Variants in MRPL1 observed in about 807,000 individuals in gnomAD.
The protein encoded by MRPL1 is large ribosomal subunit protein uL1m.
MRPL1 carries 28 observed loss-of-function variants against 38.0 expected under a neutral mutation model. The ratio of observed to expected loss-of-function variants is 0.74; its 90% CI spans 0.55 to 1.01. The LOEUF (loss-of-function observed/expected upper bound fraction) is 1.01, where lower values mean the gene tolerates loss of function less well. MRPL1 is among the 50% of genes least tolerant of loss of function. The pLI, the probability that MRPL1 is intolerant of heterozygous loss-of-function variation, is 0.00. For synonymous variants in MRPL1, 123 were observed against 126.7 expected, an observed-to-expected ratio of 0.97 and a Z score of 0.20; for missense variants, 358 against 389.8, an observed-to-expected ratio of 0.92 and a Z score of 0.69.
At chr4:77,889,593 A>C (rs1020442187) in intron 5 of MRPL1, among the ~76,000 whole-genome samples, 1 of 152,168 alleles carries the variant, frequency 6.6e-6, no homozygotes, top group Non-Finnish European at 1.5e-5. Flanking sequence ...AGAGCAAACT[A>C]ATTCAAAAGC....
In MRPL1 at chr4:77,871,849, C is replaced by A. The variant is rs370109303; in HGVS notation, c.137C>A (p.Ala46Asp). 2 of 1,578,280 alleles carry A rather than the reference C, an allele frequency of 1.3e-6. No homozygotes were observed. Among genetic ancestry groups the A allele is most frequent in the African/African-American group, 2.7e-5 (2 of 72,928 alleles). ...GTGCCCAACAGACATTTTGCTGCTGCTACAAAGTAAGTATTTTTTTTTAGT... is the reference window on the plus strand; with the variant it reads ...GTGCCCAACAGACATTTTGCTGCTGATACAAAGTAAGTATTTTTTTTTAGT... ...IRVPNRHFAA[A>D]TKSAKKTKKG... is the part of the protein sequence containing the mutation. Residue 46 changes from alanine (A) to aspartate (D), a missense_variant, in exon 2 of 9, where the codon GCT (alanine) becomes GAT (aspartate). Coordinates refer to ENST00000315567, the MANE Select transcript of MRPL1 (RefSeq NM_020236.4).
At chr4:77,923,031 A>G (rs374682994) in intron 7 of MRPL1, among the ~76,000 whole-genome samples, 3 of 152,182 alleles carry the variant, frequency 2.0e-5, no homozygotes, top group African/African-American at 7.2e-5. Flanking sequence ...ATTCTTTATT[A>G]TGTAAATGAA....
chr4:77,948,648 C>T (rs1391405281), intron 7 of MRPL1, among the ~76,000 whole-genome samples: 1 of 152,138 alleles, frequency 6.6e-6, no homozygotes, highest in Non-Finnish European at 1.5e-5. Context: ...TTATGCGGGG[C>T]ACATTTCTCA....
intron 7 of MRPL1, among the ~76,000 whole-genome samples, chr4:77,946,375 C>T (rs186970555): frequency 1.3e-5 from 2 of 151,402 alleles, no homozygotes; most frequent in Non-Finnish European, 2.9e-5. Context: ...TTTAAGCACA[C>T]GTTTTACAAT....
In MRPL1 at chr4:77,898,239, A is replaced by T. The variant is rs189460550; in HGVS notation, c.670+3989A>T. Among the ~76,000 whole-genome samples, 3 of 152,198 alleles carry T rather than the reference A, an allele frequency of 2.0e-5. No individual in the cohort carries two copies. The East Asian group carries it at 5.8e-4, about 29-fold the overall frequency. On this transcript the variant is annotated intron_variant, in intron 6 of 8. Coordinates refer to ENST00000315567, the MANE Select transcript of MRPL1 (RefSeq NM_020236.4). ...ATTATGCTTTTGTATTCATTTTAGGACATATCACTCTTAGCATCTTTTTTT... is the reference window on the plus strand; with the variant it reads ...ATTATGCTTTTGTATTCATTTTAGGTCATATCACTCTTAGCATCTTTTTTT...
At chr4:77,924,406 C>T (rs1736661611) in intron 7 of MRPL1, among the ~76,000 whole-genome samples, 1 of 152,100 alleles carries the variant, frequency 6.6e-6, no homozygotes, top group Non-Finnish European at 1.5e-5. Context: ...GGAGGAGGGT[C>T]ATAATTCTTT....
intron 7 of MRPL1, among the ~76,000 whole-genome samples, chr4:77,937,153 G>C (rs1737004747): frequency 6.6e-6 from 1 of 151,886 alleles, no homozygotes; most frequent in Non-Finnish European, 1.5e-5. Context: ...GGTGAATTTA[G>C]TGGGTATAAA....
Position 77,952,731 on chromosome 4 carries a change from A to G in MRPL1, c.*124A>G, listed in dbSNP as rs1365767444. The G allele has an allele frequency of 2.0e-5, 13 of 642,532 alleles. No individual in the cohort carries two copies. The highest frequency in any genetic ancestry group is 1.0e-5 in the Non-Finnish European group (4 of 381,900). 39.8% of individuals were successfully genotyped at this position (642,532 alleles called of 1,614,324 possible). ...TACTTGAAAGTGAACTTTAACATTG[A>G]AAAATCGTACAGTCATTTCAAGAAT... On this transcript the variant is annotated 3_prime_UTR_variant, in exon 9 of 9. Coordinates refer to ENST00000315567, the MANE Select transcript of MRPL1 (RefSeq NM_020236.4).
intron 5 of MRPL1, among the ~76,000 whole-genome samples, chr4:77,888,373 C>G (rs1735730013): frequency 6.6e-6 from 1 of 152,082 alleles, no homozygotes; most frequent in African/African-American, 2.4e-5. Context: ...GGCGTGGTGG[C>G]ACATGCCTGT....
intron 7 of MRPL1, among the ~76,000 whole-genome samples, chr4:77,915,347 T>G (rs1736398368): frequency 1.3e-5 from 2 of 152,228 alleles, no homozygotes; most frequent in African/African-American, 4.8e-5. Flanking sequence ...ATCCAAACTG[T>G]GTATACTAAT....
chr4:77,890,372 C>A (rs1427273517), intron 5 of MRPL1, among the ~76,000 whole-genome samples: 1 of 152,086 alleles, frequency 6.6e-6, no homozygotes, highest in Non-Finnish European at 1.5e-5. Flanking sequence ...ATAAACAGAA[C>A]CAAAGACAAA....
chr4:77,891,374 G>A (rs1362670557), intron 5 of MRPL1, among the ~76,000 whole-genome samples: 4 of 87,714 alleles, frequency 4.6e-5, no homozygotes, highest in African/African-American at 1.8e-4. Context: ...CATTTTTTTT[G>A]AGACAGTGTG....
At chr4:77,872,086 C>T (rs1042616285) in intron 2 of MRPL1, among the ~76,000 whole-genome samples, 3 of 152,094 alleles carry the variant, frequency 2.0e-5, no homozygotes, top group Non-Finnish European at 4.4e-5. Context: ...TATGAGGAAG[C>T]TATTGTTATT....
intron 2 of MRPL1, among the ~76,000 whole-genome samples, chr4:77,880,868 C>A (rs932420851): frequency 2.0e-5 from 3 of 152,154 alleles, no homozygotes; most frequent in African/African-American, 7.2e-5. Flanking sequence ...TGATGGATAT[C>A]TCTGATGACC....
intron 7 of MRPL1, among the ~76,000 whole-genome samples, chr4:77,928,181 G>C (rs899147463): frequency 1.3e-5 from 2 of 152,192 alleles, no homozygotes; most frequent in African/African-American, 4.8e-5. Context: ...AACAAGTTCA[G>C]GACAAGGGAC....
At chr4:77,878,952 C>A (rs1485385255) in intron 2 of MRPL1, among the ~76,000 whole-genome samples, 1 of 152,100 alleles carries the variant, frequency 6.6e-6, no homozygotes, top group South Asian at 2.1e-4. Context: ...ACAGATGAGA[C>A]AGGGGAAAAG....
chr4:77,936,266 C>G (rs1432534066), intron 7 of MRPL1, among the ~76,000 whole-genome samples: 11 of 151,874 alleles, frequency 7.2e-5, no homozygotes, highest in African/African-American at 2.4e-4. Flanking sequence ...AAAATCCTTG[C>G]AAAGTATTTT....
intron 6 of MRPL1, among the ~76,000 whole-genome samples, chr4:77,903,080 A>G (rs536232745): frequency 1.3e-5 from 2 of 152,330 alleles, no homozygotes; most frequent in South Asian, 4.1e-4. Context: ...CTTCATGAGA[A>G]TAGACGCAAA....
At chr4:77,867,216 T>C (rs559248725) in intron 1 of MRPL1, among the ~76,000 whole-genome samples, 70 of 152,360 alleles carry the variant, frequency 4.6e-4, no homozygotes, top group South Asian at 4.3e-3. Context: ...GGGATTTTTA[T>C]GTTTTATTCA....
Sources: gnomAD v4.1 joint callset for allele counts (sites outside exome capture counted in the v4.1 genomes callset) on GRCh38, gnomAD v4.1.1 for gene constraint, MANE v1.5 for transcripts, NCBI Gene and HGNC (gene_info 2026-07-23, HGNC 2026-07-21) for gene names.